L3MBTL3: variants seen among roughly 807,000 people sequenced by gnomAD.
L3MBTL3 encodes the protein L3MBTL histone methyl-lysine binding protein 3, also known as lethal(3)malignant brain tumor-like protein 3.
Under a neutral mutation model 102.3 loss-of-function variants are expected in L3MBTL3, and 27 were observed. The ratio of observed to expected loss-of-function variants is 0.26; its 90% CI spans 0.19 to 0.36. The LOEUF (loss-of-function observed/expected upper bound fraction) is 0.36, where lower values mean the gene tolerates loss of function less well. Ranked by LOEUF, L3MBTL3 falls within the 10% of genes least tolerant of loss-of-function variation. The pLI, the probability that L3MBTL3 is intolerant of heterozygous loss-of-function variation, is 1.00. For missense variants in L3MBTL3, 798 were observed against 955.3 expected, an observed-to-expected ratio of 0.84 and a Z score of 2.17; for synonymous variants, 340 against 320.9, an observed-to-expected ratio of 1.06 and a Z score of -0.64.
chr6:130,049,156 T>C lies in L3MBTL3; in HGVS notation c.103-126T>C, dbSNP rs903660330. The C allele has an allele frequency of 1.8e-5, 11 of 628,442 alleles. No homozygotes were observed. The African/African-American group carries it at 2.0e-4, about 12-fold the overall frequency. The allele number at this position is 628,442 out of a possible 1,614,324, so 38.9% of individuals were successfully genotyped here. ...TATTGGTGGGAGGTGTATCAGGATA[T>C]AATTGTCTAAATTAACTTTTACCAT... On this transcript the variant is annotated intron_variant, in intron 3 of 22. Coordinates refer to ENST00000361794, the MANE Select transcript of L3MBTL3 (RefSeq NM_032438.4).
At chr6:130,132,204 CACA>C (rs1787124823) in intron 20 of L3MBTL3, among the ~76,000 whole-genome samples, 1 of 152,172 alleles carries the variant, frequency 6.6e-6, no homozygotes, top group Non-Finnish European at 1.5e-5. Context: ...TTCTACTACT[CACA>C]ACAATGTGGA....
At chr6:130,075,199 G>T (rs958551957) in intron 13 of L3MBTL3, among the ~76,000 whole-genome samples, 2 of 152,254 alleles carry the variant, frequency 1.3e-5, no homozygotes, top group East Asian at 3.9e-4. Context: ...TGTCTTGAGT[G>T]CAGGGCTAGA....
intron 18 of L3MBTL3, among the ~76,000 whole-genome samples, chr6:130,098,443 C>G (rs1157147037): frequency 6.6e-6 from 1 of 152,138 alleles, no homozygotes; most frequent in Non-Finnish European, 1.5e-5. Flanking sequence ...AGAGAAGCGT[C>G]AGCTTTTTAT....
intron 2 of L3MBTL3, among the ~76,000 whole-genome samples, chr6:130,034,243 C>A (rs1007531907): frequency 6.6e-6 from 1 of 152,080 alleles, no homozygotes; most frequent in Admixed American, 6.5e-5. Context: ...AAATGAGATA[C>A]AGTAGATTCT....
At chr6:130,082,968 A>G (rs1377119920) in intron 14 of L3MBTL3, among the ~76,000 whole-genome samples, 1 of 152,136 alleles carries the variant, frequency 6.6e-6, no homozygotes, top group Non-Finnish European at 1.5e-5. Context: ...AGTCCCCTTT[A>G]TGTGGCTAAT....
chr6:130,041,460 A>G (rs916361995), intron 2 of L3MBTL3, among the ~76,000 whole-genome samples: 1 of 152,248 alleles, frequency 6.6e-6, no homozygotes, highest in Non-Finnish European at 1.5e-5. Context: ...CATACAGATC[A>G]CATTGGAAAG....
At chr6:130,101,707 G>T (rs896862680) in intron 18 of L3MBTL3, among the ~76,000 whole-genome samples, 1 of 152,158 alleles carries the variant, frequency 6.6e-6, no homozygotes, top group African/African-American at 2.4e-5. Context: ...TGTGTTGCTT[G>T]TACCCTGCTT....
chr6:130,110,912 A>G (rs933808694), intron 19 of L3MBTL3, among the ~76,000 whole-genome samples: 20 of 152,370 alleles, frequency 1.3e-4, no homozygotes, highest in African/African-American at 4.6e-4. Flanking sequence ...AGCTTTGAAT[A>G]GATTGCTCAA....
intron 20 of L3MBTL3, among the ~76,000 whole-genome samples, chr6:130,128,737 G>A (rs1392238158): frequency 6.6e-6 from 1 of 152,206 alleles, no homozygotes; most frequent in Non-Finnish European, 1.5e-5. Context: ...TGTGGAGTCA[G>A]TGGATGATAA....
chr6:130,068,319 G>A lies in L3MBTL3; in HGVS notation c.1001-11G>A, dbSNP rs1782400079. The A allele has an allele frequency of 4.1e-6, 6 of 1,466,352 alleles. No homozygotes were observed. The East Asian group carries it at 1.1e-4, about 28-fold the overall frequency. 90.8% of individuals were successfully genotyped at this position (1,466,352 alleles called of 1,614,324 possible). On this transcript the variant is annotated splice_polypyrimidine_tract_variant and intron_variant, in intron 11 of 22. Transcript: ENST00000361794. ...TATTTGAATCAATCTGTTCATATGT[G>A]CTTACTCTAGGGTATAAAGAAGAAG...
intron 18 of L3MBTL3, among the ~76,000 whole-genome samples, chr6:130,098,772 C>T (rs867504899): frequency 1.6e-4 from 25 of 151,994 alleles, no homozygotes; most frequent in South Asian, 2.1e-4. Flanking sequence ...GAATTCAACC[C>T]AGGCTTGTAA....
intron 3 of L3MBTL3, among the ~76,000 whole-genome samples, chr6:130,045,554 T>G (rs1257108729): frequency 1.3e-5 from 2 of 152,186 alleles, no homozygotes; most frequent in Admixed American, 1.3e-4. Flanking sequence ...CTTGTTTAGG[T>G]CAGTTACTGG....
At chr6:130,062,037 G>GT (rs1181278648) in intron 10 of L3MBTL3, among the ~76,000 whole-genome samples, 2 of 152,156 alleles carry the variant, frequency 1.3e-5, no homozygotes, top group Non-Finnish European at 2.9e-5. Context: ...TGAGGAAGCC[G>GT]TAAGTATAGA....
chr6:130,137,038 T>C (rs1304660022), intron 22 of L3MBTL3, among the ~76,000 whole-genome samples: 1 of 152,242 alleles, frequency 6.6e-6, no homozygotes, highest in African/African-American at 2.4e-5. Flanking sequence ...TGCTTGGTTT[T>C]ATTTGTTTTA....
chr6:130,113,282 T>G lies in L3MBTL3; in HGVS notation c.1887-7597T>G, dbSNP rs537807532. 3.3e-5 allele frequency among the ~76,000 whole-genome samples: 5 copies of G among 152,278 alleles called. No homozygotes were observed. The South Asian group carries it at 1.0e-3, about 32-fold the overall frequency. On this transcript the variant is annotated intron_variant, in intron 19 of 22. Transcript: ENST00000361794. ...GGAATCTTCATTTTTTAACCAGCCC[T>G]CCCAGGTGACAGATGCAAGTAGTCT... is the stretch of plus-strand genomic sequence containing the variant.
intron 3 of L3MBTL3, among the ~76,000 whole-genome samples, chr6:130,047,926 G>C (rs934828739): frequency 6.6e-6 from 1 of 151,944 alleles, no homozygotes; most frequent in Non-Finnish European, 1.5e-5. Flanking sequence ...TACACACTTG[G>C]TATAGTACTC....
At chr6:130,097,776 G>A (rs1053676185) in intron 18 of L3MBTL3, among the ~76,000 whole-genome samples, 1 of 152,124 alleles carries the variant, frequency 6.6e-6, no homozygotes, top group Non-Finnish European at 1.5e-5. Flanking sequence ...TTATATAAAA[G>A]TAGACATTTG....
intron 2 of L3MBTL3, among the ~76,000 whole-genome samples, chr6:130,030,251 A>T (rs899719635): frequency 6.6e-6 from 1 of 152,164 alleles, no homozygotes; most frequent in Admixed American, 6.5e-5. Context: ...TTTTAAAAAA[A>T]GTTTTTACAC....
At chr6:130,049,201 A>G (rs1320215086) in intron 3 of L3MBTL3, 81 bp from the exon 4 acceptor site, 2 of 765,450 alleles carry the variant, frequency 2.6e-6, no homozygotes, top group East Asian at 5.0e-5. Context: ...TTGCTTGAAG[A>G]CTATATGTGT....
Sources: gnomAD v4.1 joint callset for allele counts (sites outside exome capture counted in the v4.1 genomes callset) on GRCh38, gnomAD v4.1.1 for gene constraint, MANE v1.5 for transcripts, NCBI Gene and HGNC (gene_info 2026-07-23, HGNC 2026-07-21) for gene names.